The following ASCC3 variants were observed in gnomAD, a reference collection of about 807,000 sequenced individuals.
ASCC3 encodes ASC-1 complex subunit P200.
ASCC3 carries 158 observed loss-of-function variants against 256.3 expected under a neutral mutation model. The observed-to-expected ratio is 0.62, with a 90% CI of 0.54 to 0.70. The LOEUF (loss-of-function observed/expected upper bound fraction) is 0.70, where lower values mean the gene tolerates loss of function less well. Among genes scored for constraint, ASCC3 ranks in the 30% least tolerant of loss-of-function variants. ASCC3 has a pLI of 0.00. For synonymous variants in ASCC3, 948 were observed against 883.4 expected (o/e 1.07, Z -1.30); for missense variants, 2,259 against 2,626.0 (o/e 0.86, Z 3.05).
intron 4 of ASCC3, among the ~76,000 whole-genome samples, chr6:100,817,869 C>T (rs1335679528): frequency 6.6e-6 from 1 of 152,014 alleles, no homozygotes; most frequent in African/African-American, 2.4e-5. Flanking sequence ...TCCTCACACT[C>T]GTTACAAAAA....
intron 14 of ASCC3, among the ~76,000 whole-genome samples, chr6:100,666,631 C>T (rs1358489116): frequency 1.3e-5 from 2 of 152,222 alleles, no homozygotes; most frequent in East Asian, 3.9e-4. Flanking sequence ...ATCAGCTCCT[C>T]AAGTGATTCT....
At position 100,841,793 on chromosome 6, in the gene ASCC3, G is replaced by A. The variant is rs529483999; in HGVS notation, c.801+6355C>T. Among the ~76,000 whole-genome samples, 42 of 152,198 alleles carry A rather than the reference G, an allele frequency of 2.8e-4. 1 individual carries two copies. Among genetic ancestry groups the A allele is most frequent in the Admixed American group, 2.6e-3 (40 of 15,294 alleles). The stretch of plus-strand genomic sequence containing the variant: ...TTTGTTGCCCCATTGCACACATATA[G>A]GACTGAATGGCAGTAGGAGTATTAT... On this transcript the variant is annotated intron_variant, in intron 4 of 41. Transcript: ENST00000369162.
At chr6:100,772,690 T>C (rs552829795) in intron 8 of ASCC3, among the ~76,000 whole-genome samples, 1 of 152,280 alleles carries the variant, frequency 6.6e-6, no homozygotes, top group South Asian at 2.1e-4. Context: ...CCTGATCACT[T>C]AGCCTCGGAA....
intron 3 of ASCC3, among the ~76,000 whole-genome samples, chr6:100,851,303 A>G (rs923610621): frequency 6.6e-6 from 1 of 152,204 alleles, no homozygotes; most frequent in African/African-American, 2.4e-5. Context: ...TAAATAGGTC[A>G]CCTTAAGAAA....
intron 13 of ASCC3, among the ~76,000 whole-genome samples, chr6:100,694,945 C>A (rs905918766): frequency 3.3e-5 from 5 of 151,976 alleles, no homozygotes; most frequent in African/African-American, 9.7e-5. Context: ...TTATTAGAAA[C>A]AAAGGGGAAA....
intron 30 of ASCC3, among the ~76,000 whole-genome samples, chr6:100,611,759 T>C (rs1283076189): frequency 6.6e-6 from 1 of 151,944 alleles, no homozygotes; most frequent in African/African-American, 2.4e-5. Context: ...TTTCTAGTGA[T>C]AGCTAGTACT....
At position 100,797,831 on chromosome 6, in the gene ASCC3, T is replaced by C. The variant is rs76951562; in HGVS notation, c.1395+882A>G. On this transcript the variant is annotated intron_variant, in intron 8 of 41. Transcript: ENST00000369162. ...AAGACAACTTAAAACTATAAGTTAT[T>C]TCAGAATAAAGGCATAAAATGGAAT... is the stretch of plus-strand genomic sequence containing the variant. Among the ~76,000 whole-genome samples the C allele has an allele frequency of 8.4e-4, 128 of 152,260 alleles. 2 individuals are homozygous for C. The East Asian group carries it at 0.024, about 28-fold the overall frequency.
chr6:100,633,749 C>T (rs972555831), intron 25 of ASCC3, among the ~76,000 whole-genome samples: 13 of 151,674 alleles, frequency 8.6e-5, no homozygotes, highest in Non-Finnish European at 2.9e-5. Flanking sequence ...TGGCTCATGC[C>T]TGTAATCCCA....
At chr6:100,701,719 T>C (rs549736088) in intron 13 of ASCC3, among the ~76,000 whole-genome samples, 10 of 152,172 alleles carry the variant, frequency 6.6e-5, no homozygotes, top group Admixed American at 2.6e-4. Flanking sequence ...GAATAAGATA[T>C]ACAGTGTTAT....
rs71919249 is a variant in ASCC3, at chr6:100,709,009, G to GA, written c.2151+6452dup. ...ACTCTGTTTTCTATGCCTTAAGACC[G>GA]AAAAAAAAAAAAAATCCAAAATGGC... On this transcript the variant is annotated intron_variant, in intron 13 of 41. Transcript: ENST00000369162. Among the ~76,000 whole-genome samples the GA allele has an allele frequency of 4.9e-3, 642 of 131,152 alleles. 2 individuals are homozygous for GA. Among genetic ancestry groups the GA allele is most frequent in the African/African-American group, 0.011 (403 of 36,288 alleles). The allele number at this position is 131,152 out of a possible 152,430, so 86.0% of individuals were successfully genotyped here. A position where few individuals can be genotyped will look rare whatever the true frequency, so the allele number is the denominator to read the frequency against.
Position 100,589,744 on chromosome 6 carries a change from T to A in ASCC3, c.5440A>T (p.Thr1814Ser). 6.2e-7 allele frequency: 1 copy of A among 1,613,754 alleles called. No individual in the cohort carries two copies. The highest frequency in any genetic ancestry group is 8.5e-7 in the Non-Finnish European group (1 of 1,179,792). Residue 1814 changes from threonine (T) to serine (S), a missense_variant, in exon 36 of 42, where the codon ACT (threonine) becomes TCT (serine). This residue lies in a region of ASCC3 where 1,839 missense variants were observed against 2,206.7 expected (regional missense o/e 0.83). Transcript: ENST00000369162. ...TAATAGGAGGCAATTCGGCCATAAG[T>A]TAGAGGTTCAATGCTGCGATTATCC... ...GEDNRSIEPL[T>S]YGRIASYYYL...
chr6:100,669,053 T>C (rs1445705335), intron 14 of ASCC3, among the ~76,000 whole-genome samples: 1 of 151,476 alleles, frequency 6.6e-6, no homozygotes, highest in African/African-American at 2.4e-5. Flanking sequence ...ATAAAGTGTT[T>C]ATTTAGAAAA....
chr6:100,638,853 A>C, intron 24 of ASCC3, 32 bp from the exon 25 acceptor site: 1 of 1,551,872 alleles, frequency 6.4e-7, no homozygotes, highest in Non-Finnish European at 8.9e-7. Flanking sequence ...GCTATACGAC[A>C]ATTGAAAAAC....
intron 30 of ASCC3, among the ~76,000 whole-genome samples, chr6:100,609,911 C>CA (rs1476927450): frequency 3.3e-5 from 5 of 151,354 alleles, no homozygotes. Flanking sequence ...TTCTGTCTCA[C>CA]AAAAAAAGAA....
intron 13 of ASCC3, among the ~76,000 whole-genome samples, chr6:100,706,629 G>A (rs554581417): frequency 6.6e-6 from 1 of 151,902 alleles, no homozygotes; most frequent in African/African-American, 2.4e-5. Context: ...GTACCTACTC[G>A]GCAATTTTCT....
In ASCC3 at chr6:100,540,236, C is replaced by T. The variant is rs369100983; in HGVS notation, c.5702G>A (p.Arg1901Gln). 2.8e-5 allele frequency: 45 copies of T among 1,614,042 alleles called. No individual in the cohort carries two copies. Among genetic ancestry groups the T allele is most frequent in the African/African-American group, 2.1e-4 (16 of 75,020 alleles). Residue 1901 changes from arginine to glutamine, a missense_variant, in exon 37 of 42, where the codon CGA becomes CAA. Transcript: ENST00000369162. ...AHLLLQAHLS[R>Q]AMLPCPDYDT... Reference sequence around the variant, plus strand: ...ATAATCTGGGCAGGGTAGCATGGCTCGGCTGAGATGTGCCTGTAGCAGGAG... The same window carrying T: ...ATAATCTGGGCAGGGTAGCATGGCTTGGCTGAGATGTGCCTGTAGCAGGAG...
intron 36 of ASCC3, among the ~76,000 whole-genome samples, chr6:100,550,767 C>A (rs1020777466): frequency 6.6e-6 from 1 of 151,910 alleles, no homozygotes; most frequent in African/African-American, 2.4e-5. Context: ...CATGCTAATT[C>A]TGCTAGATTT....
intron 5 of ASCC3, among the ~76,000 whole-genome samples, chr6:100,801,550 T>A (rs903048678): frequency 1.3e-5 from 2 of 152,056 alleles, no homozygotes; most frequent in African/African-American, 4.8e-5. Context: ...TAATTCTGAA[T>A]ACAAGTCATT....
chr6:100,627,836 A>G lies in ASCC3; in HGVS notation c.4521+6T>C. ...TAAATGCATAATTTATCAATCTTCT[A>G]CATACCTGCTTAATATTGAGCCAAT... On this transcript the variant is annotated splice_donor_region_variant and intron_variant, in intron 28 of 41. Transcript: ENST00000369162. 2 of 1,613,612 alleles carry G rather than the reference A, an allele frequency of 1.2e-6. No homozygotes were observed. The highest frequency in any genetic ancestry group is 1.7e-6 in the Non-Finnish European group (2 of 1,179,734).
Sources: allele counts gnomAD v4.1 joint callset (sites outside exome capture counted in the v4.1 genomes callset), GRCh38; gene constraint gnomAD v4.1.1; regional missense constraint gnomAD v4.1.1; transcripts MANE v1.5; gene names NCBI Gene and HGNC (gene_info 2026-07-23, HGNC 2026-07-21).